The following DPF3 variants were observed in gnomAD, a reference collection of about 807,000 sequenced individuals.
DPF3 encodes the protein zinc finger protein DPF3.
Under a neutral mutation model 56.8 loss-of-function variants are expected in DPF3, and 18 were observed. That is an observed-to-expected ratio of 0.32 (90% confidence interval 0.22 to 0.47). DPF3 has a LOEUF of 0.47. Ranked by LOEUF, DPF3 falls within the 20% of genes least tolerant of loss-of-function variation. DPF3 has a pLI of 1.00. For synonymous variants in DPF3, 188 were observed against 180.2 expected (o/e 1.04, Z -0.35); for missense variants, 403 against 488.8 (o/e 0.82, Z 1.65).
chr14:72,625,214 TACATTTACTC>T (rs1029727415), intron 9 of DPF3, among the ~76,000 whole-genome samples: 1 of 152,198 alleles, frequency 6.6e-6, no homozygotes, highest in Non-Finnish European at 1.5e-5. Context: ...CCTTTCCCTC[TACATTTACTC>T]ATTGGAATTC....
intron 8 of DPF3, among the ~76,000 whole-genome samples, chr14:72,665,263 T>A (rs1210207673): frequency 6.6e-6 from 1 of 152,222 alleles, no homozygotes; most frequent in African/African-American, 2.4e-5. Context: ...CAATGGCCAA[T>A]AAATTCATTG....
chr14:72,886,268 A>G (rs1886542198), intron 1 of DPF3, among the ~76,000 whole-genome samples: 1 of 152,290 alleles, frequency 6.6e-6, no homozygotes, highest in South Asian at 2.1e-4. Context: ...GCTACTCGGG[A>G]GACTGAGACA....
chr14:72,697,955 C>T (rs1887979174), intron 6 of DPF3, among the ~76,000 whole-genome samples: 1 of 152,154 alleles, frequency 6.6e-6, no homozygotes, highest in Admixed American at 6.5e-5. Context: ...TGCTCGCTGG[C>T]CTTTTCGTTT....
chr14:72,882,956 C>G (rs143774612), intron 1 of DPF3, among the ~76,000 whole-genome samples: 1 of 152,160 alleles, frequency 6.6e-6, no homozygotes, highest in Admixed American at 6.5e-5. Context: ...GTGGAAGCTC[C>G]TCGATGTAGG....
At chr14:72,851,321 T>C (rs1489414702) in intron 1 of DPF3, among the ~76,000 whole-genome samples, 2 of 152,250 alleles carry the variant, frequency 1.3e-5, no homozygotes, top group African/African-American at 2.4e-5. Flanking sequence ...TCTTAATCCC[T>C]GTTTGCTCTG....
chr14:72,842,171 C>A (rs921882287), intron 1 of DPF3, among the ~76,000 whole-genome samples: 1 of 151,972 alleles, frequency 6.6e-6, no homozygotes, highest in Non-Finnish European at 1.5e-5. Flanking sequence ...AATTGGCACC[C>A]CTTTGGAAAA....
intron 7 of DPF3, among the ~76,000 whole-genome samples, chr14:72,681,199 A>G (rs1484335006): frequency 6.6e-6 from 1 of 152,206 alleles, no homozygotes; most frequent in Non-Finnish European, 1.5e-5. Context: ...TGCCAGGCAA[A>G]GGGAAGTTAA....
chr14:72,881,471 A>G (rs1886322377), intron 1 of DPF3, among the ~76,000 whole-genome samples: 1 of 152,222 alleles, frequency 6.6e-6, no homozygotes, highest in Non-Finnish European at 1.5e-5. Context: ...CTGTGTCGAT[A>G]GTGGGAAGCC....
At position 72,633,344 on chromosome 14, in the gene DPF3, TTATC is replaced by T. The variant is rs1885274213; in HGVS notation, c.872-3612_872-3609del. On this transcript the variant is annotated intron_variant, in intron 8 of 10. Coordinates refer to ENST00000556509, the MANE Select transcript of DPF3 (RefSeq NM_001280542.3). Reference sequence around the variant, plus strand: ...AGTGAAACCATGAGAATTAATGAAATTATCTAGGGAAAAGGGAATGAGGAAGTAT... The same window carrying T: ...AGTGAAACCATGAGAATTAATGAAATTAGGGAAAAGGGAATGAGGAAGTAT... Among the ~76,000 whole-genome samples the T allele has an allele frequency of 5.3e-5, 8 of 151,774 alleles. No homozygotes were observed. The South Asian group carries it at 1.5e-3, about 28-fold the overall frequency.
chr14:72,671,216 C>T, intron 8 of DPF3: 1 of 1,613,988 alleles, frequency 6.2e-7, no homozygotes, highest in Non-Finnish European at 8.5e-7. Context: ...TCTTCCAAAT[C>T]GTCCTCATCA....
At chr14:72,661,854 CT>C (rs60114618) in intron 8 of DPF3, 78,015 of 870,656 alleles carry the variant, frequency 0.09, 310 homozygotes, top group African/African-American at 0.17. Flanking sequence ...TTTATTTTTG[CT>C]TTTTTTTTTT....
intron 1 of DPF3, among the ~76,000 whole-genome samples, chr14:72,804,803 G>A (rs539763559): frequency 1.5e-4 from 23 of 152,242 alleles, no homozygotes; most frequent in Non-Finnish European, 2.6e-4. Context: ...TTCCAGGGAC[G>A]TTGGTATAAA....
chr14:72,655,661 T>G (rs1244333150), intron 8 of DPF3, among the ~76,000 whole-genome samples: 1 of 152,230 alleles, frequency 6.6e-6, no homozygotes, highest in Non-Finnish European at 1.5e-5. Context: ...AGCTCGTGGC[T>G]CATGCTACCA....
Position 72,892,135 on chromosome 14 carries a change from G to A in DPF3, c.32+1922C>T, listed in dbSNP as rs78898304. 6.1e-5 allele frequency: 93 copies of A among 1,531,202 alleles called. No individual in the cohort carries two copies. In the African/African-American group the frequency reaches 1.1e-3, roughly 18 times the overall value. 94.9% of individuals were successfully genotyped at this position (1,531,202 alleles called of 1,614,324 possible). On this transcript the variant is annotated intron_variant, in intron 1 of 10. Transcript: ENST00000556509. ...GGTAACTAGGGTACGGCTTTCCCAGGAGGAAACAAACCTGGTGCACATGTG... is the reference window on the plus strand; with the variant it reads ...GGTAACTAGGGTACGGCTTTCCCAGAAGGAAACAAACCTGGTGCACATGTG...
At chr14:72,654,243 C>T (rs1276297226) in intron 8 of DPF3, among the ~76,000 whole-genome samples, 1 of 152,036 alleles carries the variant, frequency 6.6e-6, no homozygotes, top group Non-Finnish European at 1.5e-5. Flanking sequence ...TCTGCTCGGG[C>T]TCCAAGCCTC....
At chr14:72,803,753 C>T (rs371790960) in intron 1 of DPF3, among the ~76,000 whole-genome samples, 7 of 152,334 alleles carry the variant, frequency 4.6e-5, no homozygotes, top group Non-Finnish European at 1.0e-4. Flanking sequence ...TGAATGAATG[C>T]GTGAACACAT....
chr14:72,781,261 C>T lies in DPF3; in HGVS notation c.33-9368G>A, dbSNP rs1156679586. Among the ~76,000 whole-genome samples the T allele has an allele frequency of 2.0e-5, 3 of 152,210 alleles. No individual in the cohort carries two copies. The East Asian group carries it at 5.8e-4, about 29-fold the overall frequency. On this transcript the variant is annotated intron_variant, in intron 1 of 10. Transcript: ENST00000556509. Reference sequence around the variant, plus strand: ...AGCAGACTAATCCCACAAAAGTCCTCATCCCTAACAAAATTGCCAAAAGCC... The same window carrying T: ...AGCAGACTAATCCCACAAAAGTCCTTATCCCTAACAAAATTGCCAAAAGCC...
chr14:72,795,170 G>A (rs116117691), intron 1 of DPF3, among the ~76,000 whole-genome samples: 55 of 151,742 alleles, frequency 3.6e-4, no homozygotes, highest in Middle Eastern at 3.5e-3. Context: ...GGCGTGTTCT[G>A]CTGCTGCTGC....
At chr14:72,845,594 A>C (rs1183497202) in intron 1 of DPF3, among the ~76,000 whole-genome samples, 1 of 152,186 alleles carries the variant, frequency 6.6e-6, no homozygotes, top group Non-Finnish European at 1.5e-5. Context: ...CATGGTGCCC[A>C]TTGCAACATG....
Sources: allele counts gnomAD v4.1 joint callset (sites outside exome capture counted in the v4.1 genomes callset), GRCh38; gene constraint gnomAD v4.1.1; transcripts MANE v1.5; gene names NCBI Gene and HGNC (gene_info 2026-07-23, HGNC 2026-07-21).